The following TUBB variants were observed in gnomAD, a reference collection of about 807,000 sequenced individuals.
The protein encoded by TUBB is tubulin beta chain.
In TUBB, 2 loss-of-function variants were observed where a neutral mutation model predicts 35.1. The observed-to-expected ratio is 0.06, with a 90% CI of 0.02 to 0.18. TUBB has a LOEUF of 0.18. TUBB is among the 10% of genes least tolerant of loss of function. The pLI, the probability that TUBB is intolerant of heterozygous loss-of-function variation, is 1.00. For missense variants in TUBB, 50 were observed against 599.4 expected (o/e 0.08, Z 9.57); for synonymous variants, 205 against 223.8 (o/e 0.92, Z 0.75).
At chr6:30,723,067 C>T (rs781671861) in intron 3 of TUBB, 39 bp downstream of exon 3, 6 of 1,506,694 alleles carry the variant, frequency 4.0e-6, no homozygotes, top group Middle Eastern at 1.7e-4. Flanking sequence ...GATATACCAT[C>T]GTGTTCAACT....
At chr6:30,722,860 A>G (rs1000538751) in intron 2 of TUBB, 58 bp from the exon 3 acceptor site, 13 of 1,422,748 alleles carry the variant, frequency 9.1e-6, no homozygotes, top group African/African-American at 2.8e-5. Context: ...CATTTCCAGT[A>G]TATCTATAAA....
In TUBB at chr6:30,723,539, C is replaced by T; in HGVS notation, c.477C>T (p.Tyr159=). The T allele has an allele frequency of 1.2e-6, 2 of 1,614,212 alleles. No homozygotes were observed. Among genetic ancestry groups the T allele is most frequent in the South Asian group, 1.1e-5 (1 of 91,086 alleles). The change falls in exon 4 of 4, where the codon TAC becomes TAT. Residue 159 remains tyrosine, a synonymous_variant. Transcript: ENST00000327892. Reference sequence around the variant, plus strand: ...TTATCAGCAAGATCCGAGAAGAATACCCTGATCGCATCATGAATACCTTCA... The same window carrying T: ...TTATCAGCAAGATCCGAGAAGAATATCCTGATCGCATCATGAATACCTTCA... ...TLLISKIREE[Y]PDRIMNTFSV...
At position 30,724,762 on chromosome 6, in the gene TUBB, C is replaced by T. The variant is rs1061397; in HGVS notation, c.*365C>T. 0.06 allele frequency: 15,637 copies of T among 260,406 alleles called. 821 individuals are homozygous for T. Among genetic ancestry groups the T allele is most frequent in the African/African-American group, 0.16 (6,960 of 44,796 alleles). 16.1% of individuals were successfully genotyped at this position (260,406 alleles called of 1,614,324 possible). ...GCTGAAAACACATGTAGATAATGGC[C>T]ATCATCCTAAGCCCAAAGTAGAAAA... On this transcript the variant is annotated 3_prime_UTR_variant, in exon 4 of 4. Transcript: ENST00000327892. The surrounding 1 kb of genome is among the most constrained non-coding windows in gnomAD (Gnocchi z 4.4).
intron 1 of TUBB, chr6:30,721,820 T>C: frequency 2.0e-6 from 2 of 984,708 alleles, no homozygotes; most frequent in Non-Finnish European, 2.4e-6. Context: ...GGGAAGGGTG[T>C]GGCAGGCCCA....
Position 30,722,991 on chromosome 6 carries a change from T to C in TUBB, c.240T>C (p.Pro80=), listed in dbSNP as rs1275004718. 5 of 1,612,714 alleles carry C rather than the reference T, an allele frequency of 3.1e-6. No individual in the cohort carries two copies. The highest frequency in any genetic ancestry group is 3.4e-6 in the Non-Finnish European group (4 of 1,179,656). The change falls in exon 3 of 4, where the codon CCT becomes CCC. Residue 80 remains proline, a synonymous_variant. Coordinates refer to ENST00000327892, the MANE Select transcript of TUBB (RefSeq NM_178014.4). Reference sequence around the variant, plus strand: ...CCATGGACTCTGTTCGCTCAGGTCCTTTTGGCCAGATCTTTAGACCAGACA... The same window carrying C: ...CCATGGACTCTGTTCGCTCAGGTCCCTTTGGCCAGATCTTTAGACCAGACA... The part of the protein sequence containing the change: ...PGTMDSVRSG[P]FGQIFRPDNF...
chr6:30,722,505 C>A (rs747453097), intron 1 of TUBB, 32 bp from the exon 2 acceptor site: 2 of 1,473,224 alleles, frequency 1.4e-6, no homozygotes, highest in East Asian at 2.3e-5. Flanking sequence ...TGGGACTTGA[C>A]CTGTTGTGGT....
At position 30,725,210 on chromosome 6, in the gene TUBB, T is replaced by C. The variant is rs1776579740; in HGVS notation, c.*813T>C. 1 of 161,150 alleles carries C rather than the reference T, an allele frequency of 6.2e-6. No individual in the cohort carries two copies. The highest frequency in any genetic ancestry group is 2.4e-5 in the African/African-American group (1 of 41,454). The allele number at this position is 161,150 out of a possible 1,614,324, so 10.0% of individuals were successfully genotyped here. On this transcript the variant is annotated 3_prime_UTR_variant, in exon 4 of 4. Coordinates refer to ENST00000327892, the MANE Select transcript of TUBB (RefSeq NM_178014.4). ...GGAGTGGTGTATACTGCCACATCAG[T>C]GTTTGAGTCAGTCCCCAGAGGAGAG...
At chr6:30,721,674 G>A (rs1304510387) in intron 1 of TUBB, 25 of 985,470 alleles carry the variant, frequency 2.5e-5, no homozygotes, top group East Asian at 1.1e-4. Flanking sequence ...CGGTGGGGCG[G>A]TGCCCAGCTT....
intron 3 of TUBB, 59 bp downstream of exon 3, chr6:30,723,087 G>A: frequency 2.2e-6 from 3 of 1,387,756 alleles, no homozygotes; most frequent in Non-Finnish European, 2.0e-6. Context: ...TTATTTGGGT[G>A]CAAGGACACA....
chr6:30,723,914 C>T lies in TUBB; in HGVS notation c.852C>T (p.Leu284=). ...TSRGSQQYRA[L]TVPELTQQVF... ...GTGGAAGCCAGCAGTATCGAGCTCT[C>T]ACAGTGCCGGAACTCACCCAGCAGG... is the stretch of plus-strand genomic sequence containing the variant. The change falls in exon 4 of 4, where the codon CTC becomes CTT. Residue 284 remains leucine (L), a synonymous_variant. Coordinates refer to ENST00000327892, the MANE Select transcript of TUBB (RefSeq NM_178014.4). 6.2e-7 allele frequency: 1 copy of T among 1,614,220 alleles called. No homozygotes were observed. The highest frequency in any genetic ancestry group is 8.5e-7 in the Non-Finnish European group (1 of 1,180,048).
chr6:30,721,520 T>A, intron 1 of TUBB: 1 of 983,588 alleles, frequency 1.0e-6, no homozygotes, highest in Non-Finnish European at 1.2e-6. Flanking sequence ...GCGCGCGGAA[T>A]TTTTGTCCCT....
chr6:30,722,506 C>A (rs771421656), intron 1 of TUBB, 31 bp from the exon 2 acceptor site: 3 of 1,480,042 alleles, frequency 2.0e-6, no homozygotes, highest in South Asian at 2.3e-5. Flanking sequence ...GGGACTTGAC[C>A]TGTTGTGGTC....
At position 30,723,476 on chromosome 6, in the gene TUBB, A is replaced by G; in HGVS notation, c.414A>G (p.Ser138=). ...TGCAGGGCTTCCAGCTGACCCACTC[A>G]CTGGGCGGGGGCACAGGCTCTGGAA... ...DCLQGFQLTH[S]LGGGTGSGMG... The change falls in exon 4 of 4, where the codon TCA becomes TCG. Residue 138 remains serine, a synonymous_variant. Coordinates refer to ENST00000327892, the MANE Select transcript of TUBB (RefSeq NM_178014.4). 6.2e-7 allele frequency: 1 copy of G among 1,614,198 alleles called. No homozygotes were observed. The highest frequency in any genetic ancestry group is 8.5e-7 in the Non-Finnish European group (1 of 1,180,026).
chr6:30,724,795 A>C lies in TUBB; in HGVS notation c.*398A>C, dbSNP rs1776530800. The C allele has an allele frequency of 4.8e-6, 1 of 208,208 alleles. No individual in the cohort carries two copies. Among genetic ancestry groups the C allele is most frequent in the Non-Finnish European group, 9.6e-6 (1 of 104,112 alleles). 12.9% of individuals were successfully genotyped at this position (208,208 alleles called of 1,614,324 possible). A position where few individuals can be genotyped will look rare whatever the true frequency, so the allele number is the denominator to read the frequency against. On this transcript the variant is annotated 3_prime_UTR_variant, in exon 4 of 4. Transcript: ENST00000327892. This position sits in a 1 kb window ranked among gnomAD's most constrained non-coding sequence, Gnocchi z 4.4. ...TAAGCCCAAAGTAGAAAATGGTAGAAGGTAGTGGGTAGAAGTCACTATATA... is the reference window on the plus strand; with the variant it reads ...TAAGCCCAAAGTAGAAAATGGTAGACGGTAGTGGGTAGAAGTCACTATATA...
intron 1 of TUBB, chr6:30,722,036 C>A: frequency 2.8e-6 from 1 of 353,624 alleles, no homozygotes; most frequent in Non-Finnish European, 4.0e-6. Context: ...GTCTGTGGTC[C>A]CAGCTACTCG....
intron 1 of TUBB, 40 bp from the exon 2 acceptor site, chr6:30,722,497 G>C (rs773812070): frequency 7.2e-7 from 1 of 1,386,780 alleles, no homozygotes; most frequent in Non-Finnish European, 1.0e-6. Context: ...TAGTTGGCTG[G>C]GACTTGACCT....
intron 2 of TUBB, 87 bp from the exon 3 acceptor site, chr6:30,722,831 T>C (rs2127748343): frequency 1.6e-6 from 2 of 1,272,898 alleles, no homozygotes; most frequent in Non-Finnish European, 2.2e-6. Context: ...ATGACAAGTC[T>C]CTGATCCCTG....
At position 30,722,912 on chromosome 6, in the gene TUBB, C is replaced by T. The variant is rs780301475; in HGVS notation, c.167-6C>T. Reference sequence around the variant, plus strand: ...ATTTCACAGCTCTTAACTTTATTCTCTGTAGGTGGCAAATATGTTCCTCGT... The same window carrying T: ...ATTTCACAGCTCTTAACTTTATTCTTTGTAGGTGGCAAATATGTTCCTCGT... On this transcript the variant is annotated splice_region_variant and splice_polypyrimidine_tract_variant and intron_variant, in intron 2 of 3. Coordinates refer to ENST00000327892, the MANE Select transcript of TUBB (RefSeq NM_178014.4). 3.1e-6 allele frequency: 5 copies of T among 1,609,642 alleles called. No individual in the cohort carries two copies. The highest frequency in any genetic ancestry group is 4.2e-6 in the Non-Finnish European group (5 of 1,177,532).
Position 30,724,325 on chromosome 6 carries a change from G to A in TUBB, c.1263G>A (p.Glu421=), listed in dbSNP as rs1455159012. The A allele has an allele frequency of 1.2e-6, 2 of 1,613,006 alleles. No homozygotes were observed. Residue 421 remains glutamate, a synonymous_variant, in exon 4 of 4, where the codon GAG becomes GAA. Coordinates refer to ENST00000327892, the MANE Select transcript of TUBB (RefSeq NM_178014.4). The surrounding 1 kb of genome is among the most constrained non-coding windows in gnomAD (Gnocchi z 4.4). ...AESNMNDLVS[E]YQQYQDATAE... ...GCAACATGAACGACCTCGTCTCTGA[G>A]TATCAGCAGTACCAGGATGCCACCG...
Sources: allele counts gnomAD v4.1 joint callset, GRCh38; gene constraint gnomAD v4.1.1; non-coding constraint Gnocchi (gnomAD v3.1); transcripts MANE v1.5; gene names NCBI Gene and HGNC (gene_info 2026-07-23, HGNC 2026-07-21).